Variants in TMC5 observed in about 807,000 individuals in gnomAD.
The protein encoded by TMC5 is transmembrane channel like 5, also known as transmembrane channel-like protein 5.
TMC5 carries 86 observed loss-of-function variants against 110.5 expected under a neutral mutation model. The observed-to-expected ratio is 0.78, with a 90% CI of 0.65 to 0.93. The LOEUF (loss-of-function observed/expected upper bound fraction) is 0.93. Ranked by LOEUF, TMC5 falls within the 40% of genes least tolerant of loss-of-function variation. The pLI is 0.00. For synonymous variants in TMC5, 455 were observed against 439.5 expected (o/e 1.04, Z -0.44); for missense variants, 1,144 against 1,222.8 (o/e 0.94, Z 0.96).
At chr16:19,462,966 A>G (rs1305430496) in intron 6 of TMC5, among the ~76,000 whole-genome samples, 2 of 152,042 alleles carry the variant, frequency 1.3e-5, no homozygotes, top group East Asian at 1.9e-4. Context: ...CTGGACTGCA[A>G]TGGTGTGATC....
chr16:19,470,485 T>C lies in TMC5; in HGVS notation c.1782+660T>C, dbSNP rs979479489. On this transcript the variant is annotated intron_variant, in intron 10 of 21. Transcript: ENST00000542583. ...TACAGGCGTGAGCCAGCCAAGGCAA[T>C]GATTTTCAACCCAGAGAAATCTGGC... 2.0e-5 allele frequency among the ~76,000 whole-genome samples: 3 copies of C among 152,182 alleles called. No individual in the cohort carries two copies. The East Asian group carries it at 5.8e-4, about 29-fold the overall frequency.
intron 2 of TMC5, among the ~76,000 whole-genome samples, chr16:19,431,321 G>T (rs1479956807): frequency 1.3e-5 from 2 of 151,986 alleles, no homozygotes; most frequent in African/African-American, 4.8e-5. Context: ...TGGGTGGATT[G>T]CCTGAGGTCA....
At chr16:19,486,902 G>A in intron 15 of TMC5, 43 bp from the exon 16 acceptor site, 4 of 1,565,590 alleles carry the variant, frequency 2.6e-6, no homozygotes, top group Non-Finnish European at 2.6e-6. Context: ...CCGACTCCTT[G>A]TGTCTCCGCC....
chr16:19,443,781 GTAAATGGATGGATGGA>G (rs550400222), intron 3 of TMC5, among the ~76,000 whole-genome samples: 1 of 151,694 alleles, frequency 6.6e-6, no homozygotes, highest in Non-Finnish European at 1.5e-5. Flanking sequence ...TGGATGGATG[GTAAATGGATGGATGGA>G]TAAATGGATG....
chr16:19,485,110 G>A (rs1449608736), intron 15 of TMC5, among the ~76,000 whole-genome samples: 1 of 119,364 alleles, frequency 8.4e-6, no homozygotes, highest in Non-Finnish European at 1.6e-5. Flanking sequence ...TTTATTATTT[G>A]CCTTTTTTTT....
chr16:19,438,416 G>A (rs965748594), intron 2 of TMC5, among the ~76,000 whole-genome samples: 34 of 28,842 alleles, frequency 1.2e-3, no homozygotes, highest in Middle Eastern at 0.013. Flanking sequence ...AAAGAAGAAA[G>A]AAAAGAAAAA....
chr16:19,497,959 G>A lies in TMC5; in HGVS notation c.3014G>A (p.Arg1005Lys), dbSNP rs758438693. ...SRRSVQEGNP[R>K]A ...AGATCAGTTCAAGAAGGTAATCCAA[G>A]GGCCTGATGACTCTTTTGGTAACCA... Residue 1005 changes from arginine (R) to lysine (K), a missense_variant, in exon 22 of 22, where the codon AGG becomes AAG. Arg to Lys is a conservative substitution (Grantham distance 26). Coordinates refer to ENST00000542583, the MANE Select transcript of TMC5 (RefSeq NM_001261841.2). 16 of 1,614,054 alleles carry A rather than the reference G, an allele frequency of 9.9e-6. No individual in the cohort carries two copies. The highest frequency in any genetic ancestry group is 1.3e-5 in the Non-Finnish European group (15 of 1,179,956).
intron 2 of TMC5, among the ~76,000 whole-genome samples, chr16:19,437,396 AG>A (rs1423301896): frequency 2.0e-5 from 3 of 152,230 alleles, no homozygotes; most frequent in Non-Finnish European, 2.9e-5. Flanking sequence ...GGTGTTACCC[AG>A]GGAAAAGTGT....
At chr16:19,461,807 A>G (rs1035348154) in intron 6 of TMC5, among the ~76,000 whole-genome samples, 4 of 152,110 alleles carry the variant, frequency 2.6e-5, no homozygotes, top group African/African-American at 9.7e-5. Flanking sequence ...GGATTTTCTG[A>G]GGTTTCAAAG....
rs770640673 is a variant in TMC5, at chr16:19,464,110, C to T, written c.1485+86C>T. 9 of 1,458,992 alleles carry T rather than the reference C, an allele frequency of 6.2e-6. No individual in the cohort carries two copies. The Admixed American group carries it at 8.1e-5, about 13-fold the overall frequency. The allele number at this position is 1,458,992 out of a possible 1,614,324, so 90.4% of individuals were successfully genotyped here. On this transcript the variant is annotated intron_variant, in intron 8 of 21. Transcript: ENST00000542583. The stretch of plus-strand genomic sequence containing the variant: ...CCTTGCCGGTCACCCACTCACACCT[C>T]TCATTTTGCCTGGGGGTCAACTGAT...
intron 5 of TMC5, among the ~76,000 whole-genome samples, chr16:19,460,018 C>T (rs1967980888): frequency 1.3e-5 from 2 of 151,340 alleles, no homozygotes; most frequent in Admixed American, 1.3e-4. Context: ...GAGAAAAACA[C>T]TGAATTGGAA....
At chr16:19,473,057 A>C (rs1034636930) in intron 11 of TMC5, among the ~76,000 whole-genome samples, 2 of 152,080 alleles carry the variant, frequency 1.3e-5, no homozygotes, top group Non-Finnish European at 2.9e-5. Flanking sequence ...ACAAAAGTGC[A>C]GCACAGGGCC....
chr16:19,433,074 T>A (rs1967228035), intron 2 of TMC5, among the ~76,000 whole-genome samples: 1 of 152,176 alleles, frequency 6.6e-6, no homozygotes, highest in South Asian at 2.1e-4. Context: ...ATATATAAAT[T>A]TGTCAAAGAT....
intron 12 of TMC5, among the ~76,000 whole-genome samples, chr16:19,476,001 T>C (rs1473658922): frequency 2.6e-5 from 4 of 152,192 alleles, no homozygotes; most frequent in East Asian, 3.9e-4. Context: ...CCAAGAATGA[T>C]TGGTGAATGA....
intron 18 of TMC5, among the ~76,000 whole-genome samples, chr16:19,491,830 C>T (rs895027679): frequency 7.0e-6 from 1 of 141,908 alleles, no homozygotes; most frequent in African/African-American, 2.5e-5. Context: ...AGCCACCGTG[C>T]TGGGTCATCT....
chr16:19,458,752 A>T (rs1967948056), intron 5 of TMC5, among the ~76,000 whole-genome samples: 1 of 152,118 alleles, frequency 6.6e-6, no homozygotes, highest in African/African-American at 2.4e-5. Flanking sequence ...ACCCAGGAAG[A>T]GGCACAAATT....
At chr16:19,459,460 G>C (rs1287804839) in intron 5 of TMC5, among the ~76,000 whole-genome samples, 2 of 152,050 alleles carry the variant, frequency 1.3e-5, no homozygotes, top group Admixed American at 1.3e-4. Context: ...TGGGGTCAGG[G>C]GCAAAAGGAA....
At chr16:19,415,574 T>C (rs932589511), upstream of TMC5, among the ~76,000 whole-genome samples, 2 of 152,114 alleles carry the variant, frequency 1.3e-5, no homozygotes, top group African/African-American at 4.8e-5. Flanking sequence ...GGTTGAGAAA[T>C]CCTGACTTAT....
Position 19,472,150 on chromosome 16 carries a change from C to T in TMC5, c.1845C>T (p.Arg615=). Residue 615 remains arginine, a synonymous_variant, in exon 11 of 22, where the codon CGC becomes CGT. Transcript: ENST00000542583. ...TGACGTTCAATCAGCTGCTGACCCG[C>T]TTCTCTGCCTACATGGTAGCCTGGG... ...SKLTFNQLLT[R]FSAYMVAWVV... is the part of the protein sequence containing the mutation. The T allele has an allele frequency of 6.2e-7, 1 of 1,614,236 alleles. No homozygotes were observed. The highest frequency in any genetic ancestry group is 8.5e-7 in the Non-Finnish European group (1 of 1,180,044).
Sources: gnomAD v4.1 joint callset for allele counts (sites outside exome capture counted in the v4.1 genomes callset) on GRCh38, gnomAD v4.1.1 for gene constraint, MANE v1.5 for transcripts, NCBI Gene and HGNC (gene_info 2026-07-23, HGNC 2026-07-21) for gene names.